Variants in HPSE2 observed in about 807,000 individuals in gnomAD.
HPSE2 encodes the protein heparanase 2 (inactive).
In HPSE2, 38 loss-of-function variants were observed where a neutral mutation model predicts 60.5. That is an observed-to-expected ratio of 0.63 (90% CI 0.48 to 0.82). The LOEUF is 0.82. HPSE2 is among the 40% of genes least tolerant of loss of function. The pLI is 0.00. For synonymous variants in HPSE2, 295 were observed against 293.2 expected (o/e 1.01, Z -0.06); for missense variants, 713 against 740.4 (o/e 0.96, Z 0.43).
At chr10:98,915,956 CT>C (rs372826746) in intron 3 of HPSE2, among the ~76,000 whole-genome samples, 35 of 152,124 alleles carry the variant, frequency 2.3e-4, no homozygotes, top group African/African-American at 8.2e-4. Flanking sequence ...CTTTGTATGA[CT>C]TTTTTTTCCA....
intron 3 of HPSE2, among the ~76,000 whole-genome samples, chr10:98,954,978 T>TTA (rs5787317): frequency 0.73 from 106,606 of 145,202 alleles, 39,621 homozygotes; most frequent in East Asian, 0.84. Flanking sequence ...ATATACATAT[T>TTA]TATATATATA....
intron 2 of HPSE2, among the ~76,000 whole-genome samples, chr10:99,219,297 T>C (rs751209417): frequency 9.9e-5 from 15 of 152,240 alleles, no homozygotes; most frequent in African/African-American, 3.6e-4. Flanking sequence ...TGGGGCCTAC[T>C]GCAAAGGGGG....
intron 3 of HPSE2, among the ~76,000 whole-genome samples, chr10:98,980,577 A>C (rs2135297655): frequency 1.3e-5 from 2 of 152,334 alleles, no homozygotes; most frequent in Middle Eastern, 6.8e-3. Flanking sequence ...TTATTTGAAC[A>C]GTTCGAACAG....
At chr10:98,943,205 C>G (rs1955070710) in intron 3 of HPSE2, among the ~76,000 whole-genome samples, 2 of 150,698 alleles carry the variant, frequency 1.3e-5, no homozygotes, top group Non-Finnish European at 3.0e-5. Flanking sequence ...ACATTGTGCA[C>G]ATATACCCTA....
At chr10:98,643,828 A>G (rs56411515) in intron 6 of HPSE2, among the ~76,000 whole-genome samples, 2,011 of 152,354 alleles carry the variant, frequency 0.013, 53 homozygotes, top group African/African-American at 0.045. Context: ...GGACATGAAT[A>G]CTTGCTACTA....
chr10:99,224,669 G>T (rs1204069106), intron 2 of HPSE2, among the ~76,000 whole-genome samples: 2 of 151,982 alleles, frequency 1.3e-5, no homozygotes, highest in Non-Finnish European at 2.9e-5. Flanking sequence ...CTTCCATGAG[G>T]TCCCCATCCC....
intron 9 of HPSE2, among the ~76,000 whole-genome samples, chr10:98,584,125 G>A (rs991432714): frequency 1.3e-5 from 2 of 152,184 alleles, no homozygotes; most frequent in Non-Finnish European, 2.9e-5. Context: ...TCTTACCAGC[G>A]ATGTAGGAGG....
At chr10:99,196,273 A>G (rs1848394486) in intron 2 of HPSE2, among the ~76,000 whole-genome samples, 1 of 152,192 alleles carries the variant, frequency 6.6e-6, no homozygotes, top group Non-Finnish European at 1.5e-5. Flanking sequence ...AACATTGCAG[A>G]AAATCTCTAG....
At chr10:98,867,286 C>T (rs1952611964) in intron 3 of HPSE2, among the ~76,000 whole-genome samples, 1 of 149,586 alleles carries the variant, frequency 6.7e-6, no homozygotes, top group Admixed American at 6.7e-5. Flanking sequence ...ACTCAAACAA[C>T]TCTATAGGAA....
chr10:99,134,941 G>A (rs1334335844), intron 3 of HPSE2, among the ~76,000 whole-genome samples: 1 of 152,082 alleles, frequency 6.6e-6, no homozygotes, highest in Non-Finnish European at 1.5e-5. Context: ...AAAGAGTCAA[G>A]ATCCATCAGT....
At chr10:98,710,999 G>A (rs1000365397) in intron 5 of HPSE2, among the ~76,000 whole-genome samples, 2 of 152,100 alleles carry the variant, frequency 1.3e-5, no homozygotes, top group Admixed American at 6.6e-5. Flanking sequence ...GAACAAGATA[G>A]AGGCAGATGT....
intron 9 of HPSE2, among the ~76,000 whole-genome samples, chr10:98,494,044 C>T (rs1479682070): frequency 6.6e-6 from 1 of 152,216 alleles, no homozygotes; most frequent in Non-Finnish European, 1.5e-5. Flanking sequence ...ACTTTAACAA[C>T]ATACAAAAAC....
At chr10:98,804,865 A>G (rs1031871348) in intron 3 of HPSE2, among the ~76,000 whole-genome samples, 1 of 152,200 alleles carries the variant, frequency 6.6e-6, no homozygotes, top group Non-Finnish European at 1.5e-5. Context: ...ACAAAAGCCA[A>G]GATTTGCAAG....
At chr10:99,187,482 T>C (rs1848070960) in intron 2 of HPSE2, among the ~76,000 whole-genome samples, 1 of 151,954 alleles carries the variant, frequency 6.6e-6, no homozygotes. Flanking sequence ...CAAGGAAAAA[T>C]ATTTACAAAA....
chr10:98,476,946 T>C (rs1022151680), intron 11 of HPSE2, among the ~76,000 whole-genome samples: 3 of 152,170 alleles, frequency 2.0e-5, no homozygotes, highest in Admixed American at 6.5e-5. Flanking sequence ...ACCCAGACAA[T>C]ATCATGACAG....
chr10:99,145,685 CTT>C (rs1194044917), intron 2 of HPSE2, among the ~76,000 whole-genome samples: 1 of 152,036 alleles, frequency 6.6e-6, no homozygotes, highest in Admixed American at 6.6e-5. Flanking sequence ...TGCTTTGCCA[CTT>C]TTGACACCAA....
intron 3 of HPSE2, among the ~76,000 whole-genome samples, chr10:99,082,424 A>C (rs1208643690): frequency 6.6e-6 from 1 of 152,150 alleles, no homozygotes; most frequent in Non-Finnish European, 1.5e-5. Context: ...AAGGCTGAGC[A>C]CCCCAGTTAA....
chr10:98,755,856 C>A (rs776097120), intron 3 of HPSE2, among the ~76,000 whole-genome samples: 136 of 151,978 alleles, frequency 8.9e-4, no homozygotes, highest in Non-Finnish European at 1.8e-3. Context: ...ATTAGTTGGG[C>A]GTAGTAGCAC....
chr10:99,255,703 G>C, the HPSE2 span, among the ~76,000 whole-genome samples: 843 of 152,148 alleles, frequency 5.5e-3, 18 homozygotes, highest in East Asian at 0.088. Flanking sequence ...TTAATAAAGA[G>C]CAACTATGAA....
Sources: gnomAD v4.1 joint callset for allele counts (sites outside exome capture counted in the v4.1 genomes callset) on GRCh38, gnomAD v4.1.1 for gene constraint, MANE v1.5 for transcripts, NCBI Gene and HGNC (gene_info 2026-07-23, HGNC 2026-07-21) for gene names.